The following DAXX variants were observed in gnomAD, a reference collection of about 807,000 sequenced individuals.
DAXX encodes the protein death domain associated protein, also known as death domain-associated protein 6.
Under a neutral mutation model 61.9 loss-of-function variants are expected in DAXX, and 24 were observed. That is an observed-to-expected ratio of 0.39 (90% CI 0.28 to 0.55). The LOEUF (loss-of-function observed/expected upper bound fraction) is 0.55. DAXX is among the 20% of genes least tolerant of loss of function. The pLI is 0.69. For synonymous variants in DAXX, 357 were observed against 369.5 expected (o/e 0.97, Z 0.39); for missense variants, 819 against 935.3 (o/e 0.88, Z 1.62).
Position 33,320,212 on chromosome 6 carries a change from T to C in DAXX, c.1264A>G (p.Met422Val), listed in dbSNP as rs371370699. Residue 422 changes from methionine to valine, a missense_variant, in exon 5 of 8, where the codon ATG (methionine) becomes GTG (valine). Met to Val is a conservative substitution (Grantham distance 21). Transcript: ENST00000374542. The surrounding 1 kb of genome is among the most constrained non-coding windows in gnomAD (Gnocchi z 7.1). ...SLDSGEGPSG[M>V]ASQGCPSASR... ...GCAGAAGGGCACCCCTGGGATGCCA[T>C]TCCACTAGGGCCCTGGGAGACAAAG... 28 of 1,611,024 alleles carry C rather than the reference T, an allele frequency of 1.7e-5. No individual in the cohort carries two copies. In the African/African-American group the frequency reaches 3.5e-4, roughly 20 times the overall value.
chr6:33,322,088 C>T (rs1178554993), intron 1 of DAXX, 111 bp from the exon 2 acceptor site: 16 of 665,286 alleles, frequency 2.4e-5, no homozygotes, highest in African/African-American at 2.4e-4. Flanking sequence ...CTGACCAACA[C>T]TGTCTTCACC....
In DAXX at chr6:33,319,586, G is replaced by A. The variant is rs985745165; in HGVS notation, c.1734C>T (p.Thr578=). 3 of 1,614,000 alleles carry A rather than the reference G, an allele frequency of 1.9e-6. No individual in the cohort carries two copies. In the African/African-American group the frequency reaches 4.0e-5, roughly 22 times the overall value. ...AAATGTCCGTCTCCACAGAGGAAGGGGTATCCAGGGGCAAAGCTTCAATCT... is the reference window on the plus strand; with the variant it reads ...AAATGTCCGTCTCCACAGAGGAAGGAGTATCCAGGGGCAAAGCTTCAATCT... ...ELEIEALPLD[T]PSSVETDISS... The change falls in exon 6 of 8, where the codon ACC becomes ACT. Residue 578 remains threonine (T), a synonymous_variant. Transcript: ENST00000374542.
At position 33,320,565 on chromosome 6, in the gene DAXX, C is replaced by A. The variant is rs950877223; in HGVS notation, c.1066G>T (p.Val356Leu). 13 of 1,613,878 alleles carry A rather than the reference C, an allele frequency of 8.1e-6. No homozygotes were observed. Among genetic ancestry groups the A allele is most frequent in the Non-Finnish European group, 1.1e-5 (13 of 1,180,018 alleles). ...TTTTCCCGAAGGCGCCGGGCCAACA[C>A]AGGATCTGATAGTGCAGGGTCAACG... ...PGVDPALSDPVLARRLRENRS... is the reference protein window; with the variant it reads ...PGVDPALSDPLLARRLRENRS... Residue 356 changes from valine (V) to leucine (L), a missense_variant, in exon 4 of 8, where the codon GTG (valine) becomes TTG (leucine). Coordinates refer to ENST00000374542, the MANE Select transcript of DAXX (RefSeq NM_001141969.2). This position sits in a 1 kb window ranked among gnomAD's most constrained non-coding sequence, Gnocchi z 7.1.
At chr6:33,318,827 G>GTCAAAGAGAT (rs1276003549) in intron 7 of DAXX, 25 bp from the exon 8 acceptor site, 1 of 1,438,536 alleles carries the variant, frequency 7.0e-7, no homozygotes, top group African/African-American at 1.4e-5. Flanking sequence ...GAGACAAAGA[G>GTCAAAGAGAT]TCAAAGAGAT....
rs2150996691 is a variant in DAXX, at chr6:33,321,280, G to A, written c.495C>T (p.Ser165=). ...PSGNNPPTHL[S]LDPTNAENTA... ...TGTTTTCAGCATTTGTGGGGTCCAA[G>A]GAGAGGTGTGTGGGAGGGTTATTCC... Residue 165 remains serine, a synonymous_variant, in exon 3 of 8, where the codon TCC becomes TCT. Transcript: ENST00000374542. This position sits in a 1 kb window ranked among gnomAD's most constrained non-coding sequence, Gnocchi z 7.2. The A allele has an allele frequency of 6.2e-7, 1 of 1,613,300 alleles. No homozygotes were observed. Among genetic ancestry groups the A allele is most frequent in the South Asian group, 1.1e-5 (1 of 91,064 alleles).
Position 33,318,790 on chromosome 6 carries a change from TG to T in DAXX, c.2175del (p.Thr726HisfsTer40). Reference protein sequence around the residue: ...PRPGTCKTSVATQCDPEEIIV... With the variant: ...PRPGTCKTSVXTQCDPEEIIV... ...ATGATCTCTTCTGGATCGCATTGTG[TG>T]GCCACACTTGTCTGCAGGGAAGTGA... On this transcript the variant is annotated frameshift_variant, in exon 8 of 8. Coordinates refer to ENST00000374542, the MANE Select transcript of DAXX (RefSeq NM_001141969.2). LOFTEE classifies it high-confidence loss of function. 6.4e-7 allele frequency: 1 copy of T among 1,553,364 alleles called. No homozygotes were observed.
At position 33,319,740 on chromosome 6, in the gene DAXX, A is replaced by C. The variant is rs1256211311; in HGVS notation, c.1580T>G (p.Ile527Arg). The C allele has an allele frequency of 6.2e-7, 1 of 1,614,178 alleles. No homozygotes were observed. The highest frequency in any genetic ancestry group is 8.5e-7 in the Non-Finnish European group (1 of 1,180,018). The change falls in exon 6 of 8, where the codon ATA becomes AGA. Residue 527 changes from isoleucine to arginine, a missense_variant. Physicochemically the swap from Ile to Arg is moderately conservative, Grantham distance 97 (BLOSUM62 -3). Transcript: ENST00000374542. ...SSGEQQNKGR[I>R]VSPSLLSEEP... Reference sequence around the variant, plus strand: ...TTCTGACAGTAACGATGGTGACACTATGCGTCCTTTGTTTTGCTGCTCCCC... The same window carrying C: ...TTCTGACAGTAACGATGGTGACACTCTGCGTCCTTTGTTTTGCTGCTCCCC...
At position 33,319,999 on chromosome 6, in the gene DAXX, C is replaced by A. The variant is rs1770354726; in HGVS notation, c.1465+12G>T. On this transcript the variant is annotated intron_variant, in intron 5 of 7. Transcript: ENST00000374542. Reference sequence around the variant, plus strand: ...AGAAATGACAGGTGAGGAGAATGTTCCCTTGACATACCTGCTGCTGCTTCT... The same window carrying A: ...AGAAATGACAGGTGAGGAGAATGTTACCTTGACATACCTGCTGCTGCTTCT... 6.2e-7 allele frequency: 1 copy of A among 1,613,838 alleles called. No homozygotes were observed. The highest frequency in any genetic ancestry group is 1.3e-5 in the African/African-American group (1 of 74,910).
intron 1 of DAXX, 119 bp downstream of exon 1, chr6:33,322,743 C>T (rs1770783383): frequency 2.4e-6 from 1 of 423,214 alleles, no homozygotes; most frequent in South Asian, 2.2e-5. Flanking sequence ...GCTCCACTCC[C>T]TTTCAGGGAC....
chr6:33,319,327 A>T (rs901507004), intron 6 of DAXX, 53 bp downstream of exon 6: 2 of 1,575,150 alleles, frequency 1.3e-6, no homozygotes, highest in Non-Finnish European at 1.7e-6. Flanking sequence ...GCTCTCCGAA[A>T]GTCCCCTGCA....
chr6:33,319,999 C>T lies in DAXX; in HGVS notation c.1465+12G>A, dbSNP rs1770354726. On this transcript the variant is annotated intron_variant, in intron 5 of 7. Transcript: ENST00000374542. ...AGAAATGACAGGTGAGGAGAATGTT[C>T]CCTTGACATACCTGCTGCTGCTTCT... 1 of 1,613,956 alleles carries T rather than the reference C, an allele frequency of 6.2e-7. No homozygotes were observed. Among genetic ancestry groups the T allele is most frequent in the Non-Finnish European group, 8.5e-7 (1 of 1,179,932 alleles).
At position 33,320,857 on chromosome 6, in the gene DAXX, T is replaced by A; in HGVS notation, c.918A>T (p.Arg306=). ...AAARHSLGLP[R]QQLQLMAQDA... ...CCTGAGCCATGAGCTGGAGCTGCTGTCGGGGGAGGCCAAGGCTGTGTCGGG... is the reference window on the plus strand; with the variant it reads ...CCTGAGCCATGAGCTGGAGCTGCTGACGGGGGAGGCCAAGGCTGTGTCGGG... The change falls in exon 3 of 8, where the codon CGA becomes CGT. Residue 306 remains arginine, a synonymous_variant. Coordinates refer to ENST00000374542, the MANE Select transcript of DAXX (RefSeq NM_001141969.2). This position sits in a 1 kb window ranked among gnomAD's most constrained non-coding sequence, Gnocchi z 7.1. 6.2e-7 allele frequency: 1 copy of A among 1,614,180 alleles called. No homozygotes were observed. Among genetic ancestry groups the A allele is most frequent in the South Asian group, 1.1e-5 (1 of 91,082 alleles).
Position 33,319,419 on chromosome 6 carries a change from T to G in DAXX, c.1901A>C (p.Lys634Thr), listed in dbSNP as rs980817638. 2.5e-6 allele frequency: 4 copies of G among 1,613,100 alleles called. No homozygotes were observed. The highest frequency in any genetic ancestry group is 3.4e-6 in the Non-Finnish European group (4 of 1,180,002). The part of the protein sequence containing the change: ...DSGPPCKKSR[K>T]EKKQTGSGPL... ...CCCTGATCCTGTTTGCTTCTTCTCC[T>G]TCCGAGATTTTTTGCAGGGGGGACC... The change falls in exon 6 of 8, where the codon AAG becomes ACG. Residue 634 changes from lysine (K) to threonine (T), a missense_variant. Lys to Thr is a moderately conservative substitution (Grantham distance 78). Coordinates refer to ENST00000374542, the MANE Select transcript of DAXX (RefSeq NM_001141969.2).
At chr6:33,318,852 A>G in intron 7 of DAXX, 50 bp from the exon 8 acceptor site, 12 of 1,292,834 alleles carry the variant, frequency 9.3e-6, no homozygotes, top group Non-Finnish European at 1.3e-5. Flanking sequence ...AGTACAGGAG[A>G]AAAGAAACAG....
chr6:33,320,165 G>A lies in DAXX; in HGVS notation c.1311C>T (p.Asp437=), dbSNP rs201033028. ...CCTCATCACTCTCCTCATCGTCTTCGTCATCTGTCTCAGCTCTGGAGGCAG... is the reference window on the plus strand; with the variant it reads ...CCTCATCACTCTCCTCATCGTCTTCATCATCTGTCTCAGCTCTGGAGGCAG... ...CPSASRAETD[D]EDDEESDEEE... is the part of the protein sequence containing the mutation. The change falls in exon 5 of 8, where the codon GAC becomes GAT. Residue 437 remains aspartate, a synonymous_variant. Transcript: ENST00000374542. This position sits in a 1 kb window ranked among gnomAD's most constrained non-coding sequence, Gnocchi z 7.1. 7.4e-6 allele frequency: 12 copies of A among 1,613,250 alleles called. No homozygotes were observed. Among genetic ancestry groups the A allele is most frequent in the African/African-American group, 1.3e-5 (1 of 74,602 alleles).
At position 33,318,691 on chromosome 6, in the gene DAXX, T is replaced by C. The variant is rs370115423; in HGVS notation, c.*52A>G. On this transcript the variant is annotated 3_prime_UTR_variant, in exon 8 of 8. Coordinates refer to ENST00000374542, the MANE Select transcript of DAXX (RefSeq NM_001141969.2). ...TTCCTCAGTCATCTGCTTCCCACCT[T>C]CCTCCAAATGTTATCCCAGAACATT... The C allele has an allele frequency of 9.8e-6, 8 of 818,044 alleles. No homozygotes were observed. The highest frequency in any genetic ancestry group is 1.9e-5 in the South Asian group (1 of 52,028). 50.7% of individuals were successfully genotyped at this position (818,044 alleles called of 1,614,324 possible).
chr6:33,319,324 G>A (rs564326271), intron 6 of DAXX, 56 bp downstream of exon 6: 93 of 1,574,014 alleles, frequency 5.9e-5, no homozygotes, highest in Admixed American at 2.1e-4. Flanking sequence ...ATTGCTCTCC[G>A]AAAGTCCCCT....
At position 33,321,835 on chromosome 6, in the gene DAXX, C is replaced by T; in HGVS notation, c.91G>A (p.Ala31Thr). The T allele has an allele frequency of 1.9e-6, 3 of 1,607,202 alleles. No homozygotes were observed. Among genetic ancestry groups the T allele is most frequent in the Non-Finnish European group, 2.6e-6 (3 of 1,174,212 alleles). Reference sequence around the variant, plus strand: ...GGGGCTTCTGCCCCAGGTGAGGCCGCATTGGGGAGTGGGTGGGAGGGCCCT... The same window carrying T: ...GGGGCTTCTGCCCCAGGTGAGGCCGTATTGGGGAGTGGGTGGGAGGGCCCT... ...QPGPSHPLPN[A>T]ASPGAEAPSS... Residue 31 changes from alanine to threonine, a missense_variant, in exon 2 of 8, where the codon GCG becomes ACG. Transcript: ENST00000374542. The surrounding 1 kb of genome is among the most constrained non-coding windows in gnomAD (Gnocchi z 7.2).
rs775804750 is a variant in DAXX, at chr6:33,320,387, G to A, written c.1244C>T (p.Ser415Phe). ...GCTGTACCCCATCCACACCTCACCA[G>A]AATCCAAGGAGGCTTCGGGGGTGTC... ...SADTPEASLDSGEGPSGMASQ... is the reference protein window; with the variant it reads ...SADTPEASLDFGEGPSGMASQ... The change falls in exon 4 of 8, where the codon TCT (serine) becomes TTT (phenylalanine). Residue 415 changes from serine (S) to phenylalanine (F), a missense_variant. Physicochemically the swap from Ser to Phe is radical, Grantham distance 155 (BLOSUM62 -2). Transcript: ENST00000374542. This position sits in a 1 kb window ranked among gnomAD's most constrained non-coding sequence, Gnocchi z 7.1. 6 of 1,608,840 alleles carry A rather than the reference G, an allele frequency of 3.7e-6. No individual in the cohort carries two copies. The East Asian group carries it at 1.1e-4, about 30-fold the overall frequency.
Sources: gnomAD v4.1 joint callset for allele counts on GRCh38, gnomAD v4.1.1 for gene constraint, Gnocchi (gnomAD v3.1) non-coding constraint, MANE v1.5 for transcripts, NCBI Gene and HGNC (gene_info 2026-07-23, HGNC 2026-07-21) for gene names.